ADGRG2: variants seen among roughly 807,000 people sequenced by gnomAD.
ADGRG2 encodes G protein-coupled receptor 64.
In ADGRG2, 26 loss-of-function variants were observed where a neutral mutation model predicts 74.1. The ratio of observed to expected loss-of-function variants is 0.35; its 90% CI spans 0.26 to 0.49. ADGRG2 has a LOEUF of 0.49. Ranked by LOEUF, ADGRG2 falls within the 20% of genes least tolerant of loss-of-function variation. ADGRG2 has a pLI of 0.99. For missense variants in ADGRG2, 619 were observed against 763.1 expected, an observed-to-expected ratio of 0.81 and a Z score of 2.22; for synonymous variants, 296 against 295.2, an observed-to-expected ratio of 1.00 and a Z score of -0.03.
chrX:19,119,604 G>A lies in ADGRG2; in HGVS notation c.-47+2838C>T, dbSNP rs559051657. 1.8e-4 allele frequency among the ~76,000 whole-genome samples: 20 copies of A among 111,332 alleles called. No homozygotes were observed. The South Asian group carries it at 6.9e-3, about 38-fold the overall frequency. On this transcript the variant is annotated intron_variant, in intron 1 of 28. Coordinates refer to ENST00000379869, the MANE Select transcript of ADGRG2 (RefSeq NM_001079858.3). ...AATAGCACTCTTCCCAGTTTGGATC[G>A]TGTATTTGAAAGCGACTTGGCACGC...
At chrX:19,045,676 C>A (rs1372869515) in intron 3 of ADGRG2, among the ~76,000 whole-genome samples, 2 of 110,204 alleles carry the variant, frequency 1.8e-5, no homozygotes, top group African/African-American at 6.6e-5. Flanking sequence ...CTCACTGCCC[C>A]CTTCCATACC....
At chrX:19,008,225 AT>A (rs58217405) in intron 18 of ADGRG2, 102 bp from the exon 19 acceptor site, 1,309 of 485,432 alleles carry the variant, frequency 2.7e-3, no homozygotes, top group Non-Finnish European at 3.1e-3. Flanking sequence ...AGTATGTGCC[AT>A]TTTTTTTTTA....
At chrX:19,003,760 C>T (rs931500444) in intron 23 of ADGRG2, among the ~76,000 whole-genome samples, 2 of 111,950 alleles carry the variant, frequency 1.8e-5, no homozygotes, top group African/African-American at 6.5e-5. Context: ...AGACTACTTT[C>T]GGAAGCATTG....
chrX:19,017,107 T>C (rs916157825), intron 15 of ADGRG2, among the ~76,000 whole-genome samples: 1 of 111,537 alleles, frequency 9.0e-6, no homozygotes, highest in African/African-American at 3.3e-5. Context: ...CTCTACAGTC[T>C]CTATACAGAC....
At position 19,023,075 on chromosome X, in the gene ADGRG2, T is replaced by G. The variant is rs1038247794; in HGVS notation, c.548+341A>C. Reference sequence around the variant, plus strand: ...CCCAAGCTCCATGTTACATTCCCTCTTTTTGTTCTGGCCTTCACCCTGCCT... The same window carrying G: ...CCCAAGCTCCATGTTACATTCCCTCGTTTTGTTCTGGCCTTCACCCTGCCT... On this transcript the variant is annotated intron_variant, in intron 13 of 28. Coordinates refer to ENST00000379869, the MANE Select transcript of ADGRG2 (RefSeq NM_001079858.3). Among the ~76,000 whole-genome samples the G allele has an allele frequency of 5.4e-5, 6 of 111,558 alleles. No individual in the cohort carries two copies. The Admixed American group carries it at 5.7e-4, about 11-fold the overall frequency.
rs1332427067 is a variant in ADGRG2 at position 19,023,967 on chromosome X, A to C, written c.471-19T>G. ...TGAGCGTCTGTAATAAAATGAGAGAAATTGACATTAAGGAGACCATTAGTG... is the reference window on the plus strand; with the variant it reads ...TGAGCGTCTGTAATAAAATGAGAGACATTGACATTAAGGAGACCATTAGTG... On this transcript the variant is annotated intron_variant, in intron 11 of 28. Coordinates refer to ENST00000379869, the MANE Select transcript of ADGRG2 (RefSeq NM_001079858.3). 2 of 1,127,657 alleles carry C rather than the reference A, an allele frequency of 1.8e-6. No homozygotes were observed. Among genetic ancestry groups the C allele is most frequent in the Non-Finnish European group, 1.2e-6 (1 of 819,928 alleles). 92.9% of individuals were successfully genotyped at this position (1,127,657 alleles called of 1,213,427 possible).
At chrX:19,055,683 G>A (rs1602016905) in intron 3 of ADGRG2, among the ~76,000 whole-genome samples, 1 of 110,329 alleles carries the variant, frequency 9.1e-6, no homozygotes, top group South Asian at 3.9e-4. Flanking sequence ...AGCACGATGC[G>A]GCAGGCAAAC....
At position 19,008,065 on chromosome X, in the gene ADGRG2, G is replaced by A. The variant is rs754391347; in HGVS notation, c.1481C>T (p.Ser494Leu). The A allele has an allele frequency of 1.1e-5, 13 of 1,191,102 alleles. No homozygotes were observed. In the Admixed American group the frequency reaches 1.3e-4, roughly 12 times the overall value. Residue 494 changes from serine to leucine, a missense_variant, in exon 19 of 29, where the codon TCG becomes TTG. Physicochemically the swap from Ser to Leu is moderately radical, Grantham distance 145. Transcript: ENST00000379869. ...NSIGTITLPS[S>L]LMNNLPAHDM... ...ATGAGCTGGTAAATTATTCATCAGC[G>A]ATGAAGGAAGAGTAATTGTGCCAAT... is the stretch of plus-strand genomic sequence containing the variant.
chrX:19,120,556 A>G (rs2041149224), intron 1 of ADGRG2, among the ~76,000 whole-genome samples: 1 of 111,947 alleles, frequency 8.9e-6, no homozygotes, highest in Admixed American at 9.5e-5. Context: ...TGCAACATCT[A>G]GCTAGTCTTC....
intron 6 of ADGRG2, among the ~76,000 whole-genome samples, chrX:19,036,949 C>T (rs1349330396): frequency 7.2e-5 from 8 of 111,325 alleles, no homozygotes; most frequent in Non-Finnish European, 1.3e-4. Flanking sequence ...ACAGAATGTA[C>T]TGCTCTGCCC....
intron 3 of ADGRG2, among the ~76,000 whole-genome samples, chrX:19,063,772 G>A (rs1286207299): frequency 8.9e-6 from 1 of 112,022 alleles, no homozygotes; most frequent in Admixed American, 9.5e-5. Flanking sequence ...GCACTGGGGA[G>A]GGGGATTTAA....
intron 3 of ADGRG2, among the ~76,000 whole-genome samples, chrX:19,068,453 G>C (rs182643832): frequency 9.2e-6 from 1 of 109,180 alleles, no homozygotes; most frequent in Admixed American, 9.7e-5. Context: ...ACCAGGAAGG[G>C]GTGGGGGGGA....
intron 1 of ADGRG2, among the ~76,000 whole-genome samples, chrX:19,102,983 C>A (rs1039738729): frequency 9.0e-6 from 1 of 111,400 alleles, no homozygotes; most frequent in East Asian, 2.8e-4. Context: ...GGCATTTGAG[C>A]CAGAGTGACT....
chrX:19,045,294 G>GTTGTTATTATTATTATTA (rs1555900997), intron 3 of ADGRG2, among the ~76,000 whole-genome samples: 4 of 95,379 alleles, frequency 4.2e-5, no homozygotes, highest in African/African-American at 1.2e-4. Context: ...GGGGGGTGTT[G>GTTGTTATTATTATTATTA]TTATTATTAT....
At chrX:19,055,277 T>C (rs1022773440) in intron 3 of ADGRG2, among the ~76,000 whole-genome samples, 2 of 111,549 alleles carry the variant, frequency 1.8e-5, no homozygotes, top group Admixed American at 9.5e-5. Flanking sequence ...TGTGTATGTG[T>C]GTGTGTGTGC....
At chrX:19,119,599 G>A (rs2147102083) in intron 1 of ADGRG2, among the ~76,000 whole-genome samples, 1 of 111,360 alleles carries the variant, frequency 9.0e-6, no homozygotes, top group East Asian at 2.8e-4. Context: ...TTCCCAGTTT[G>A]GATCGTGTAT....
At chrX:19,059,481 C>T (rs1336048716) in intron 3 of ADGRG2, among the ~76,000 whole-genome samples, 6 of 111,289 alleles carry the variant, frequency 5.4e-5, no homozygotes, top group African/African-American at 2.0e-4. Context: ...AAGGGGACAC[C>T]GTGAGATGAT....
chrX:19,094,094 T>C (rs183673196), intron 1 of ADGRG2, among the ~76,000 whole-genome samples: 4 of 111,499 alleles, frequency 3.6e-5, no homozygotes, highest in Non-Finnish European at 7.5e-5. Flanking sequence ...GACATGGACA[T>C]AGAGTATGGA....
At chrX:18,991,102 A>G (rs914014933) in intron 28 of ADGRG2, 54 bp from the exon 29 acceptor site, 15 of 715,900 alleles carry the variant, frequency 2.1e-5, no homozygotes, top group Non-Finnish European at 2.6e-5. Context: ...AAAGCATTAA[A>G]AAGCAAACAA....
Sources: gnomAD v4.1 joint callset for allele counts (sites outside exome capture counted in the v4.1 genomes callset) on GRCh38, gnomAD v4.1.1 for gene constraint, MANE v1.5 for transcripts, NCBI Gene and HGNC (gene_info 2026-07-23, HGNC 2026-07-21) for gene names.